The following ENPEP variants were observed in gnomAD, a reference collection of about 807,000 sequenced individuals.
The protein encoded by ENPEP is AP-A.
Under a neutral mutation model 114.5 loss-of-function variants are expected in ENPEP, and 103 were observed. The observed-to-expected ratio is 0.90, with a 90% CI of 0.77 to 1.06. The LOEUF is 1.06. ENPEP is among the 50% of genes least tolerant of loss of function. ENPEP has a pLI of 0.00. For missense variants in ENPEP, 1,196 were observed against 1,161.3 expected, an observed-to-expected ratio of 1.03 and a Z score of -0.43; for synonymous variants, 420 against 422.0, an observed-to-expected ratio of 1.00 and a Z score of 0.06.
In ENPEP at chr4:110,491,076, A is replaced by C; in HGVS notation, c.830A>C (p.Glu277Ala). The C allele has an allele frequency of 1.9e-6, 3 of 1,612,404 alleles. No homozygotes were observed. The highest frequency in any genetic ancestry group is 2.5e-6 in the Non-Finnish European group (3 of 1,179,824). Reference sequence around the variant, plus strand: ...GATAAATGGACTCGAACAACTTTTGAGAAGTCTGTCCCCATGAGCACGTAC... The same window carrying C: ...GATAAATGGACTCGAACAACTTTTGCGAAGTCTGTCCCCATGAGCACGTAC... ...VDDKWTRTTFEKSVPMSTYLV... is the reference protein window; with the variant it reads ...VDDKWTRTTFAKSVPMSTYLV... The change falls in exon 3 of 20, where the codon GAG (glutamate) becomes GCG (alanine). Residue 277 changes from glutamate to alanine, a missense_variant. Glu to Ala is a moderately radical substitution (Grantham distance 107, BLOSUM62 -1). Transcript: ENST00000265162.
At chr4:110,492,864 T>G (rs899435168) in intron 3 of ENPEP, among the ~76,000 whole-genome samples, 2 of 152,236 alleles carry the variant, frequency 1.3e-5, no homozygotes, top group African/African-American at 4.8e-5. Context: ...TCATTGACAA[T>G]TCAATTGCAT....
rs535898764 is a variant in ENPEP, at chr4:110,484,897, CGAA to C, written c.645-3641_645-3639del. ...CCTCCTTCCTCTCACCTCCCACACACGAAGATGTGTGTGGTGCGCGCATGCACG... is the reference window on the plus strand; with the variant it reads ...CCTCCTTCCTCTCACCTCCCACACACGATGTGTGTGGTGCGCGCATGCACG... On this transcript the variant is annotated intron_variant, in intron 1 of 19. Coordinates refer to ENST00000265162, the MANE Select transcript of ENPEP (RefSeq NM_001977.4). Among the ~76,000 whole-genome samples the C allele has an allele frequency of 2.0e-5, 3 of 149,326 alleles. No homozygotes were observed. The Admixed American group carries it at 2.1e-4, about 10-fold the overall frequency.
At chr4:110,522,376 T>G (rs572653481) in intron 10 of ENPEP, among the ~76,000 whole-genome samples, 1 of 151,998 alleles carries the variant, frequency 6.6e-6, no homozygotes, top group Admixed American at 6.6e-5. Flanking sequence ...AGAGATGGGG[T>G]TTCACCATGT....
chr4:110,556,138 T>G (rs891658944), intron 18 of ENPEP, among the ~76,000 whole-genome samples: 1 of 152,096 alleles, frequency 6.6e-6, no homozygotes, highest in African/African-American at 2.4e-5. Flanking sequence ...TTTGAATCTA[T>G]AGAATCTCAT....
intron 13 of ENPEP, among the ~76,000 whole-genome samples, chr4:110,546,446 C>A (rs1464751349): frequency 1.3e-5 from 2 of 151,898 alleles, no homozygotes; most frequent in Non-Finnish European, 1.5e-5. Context: ...TAAGGGAAAG[C>A]AGAGTATGCT....
At chr4:110,557,739 T>C (rs114412042) in intron 18 of ENPEP, among the ~76,000 whole-genome samples, 76 of 152,326 alleles carry the variant, frequency 5.0e-4, no homozygotes, top group Non-Finnish European at 1.0e-3. Context: ...ACATTTTAGA[T>C]AATGACTGAT....
intron 10 of ENPEP, among the ~76,000 whole-genome samples, chr4:110,530,893 A>C (rs1726381899): frequency 6.6e-6 from 1 of 152,228 alleles, no homozygotes; most frequent in African/African-American, 2.4e-5. Flanking sequence ...GATGTATTAT[A>C]TTTGTGTAAT....
chr4:110,524,593 A>C (rs1361799525), intron 10 of ENPEP, among the ~76,000 whole-genome samples: 1 of 152,186 alleles, frequency 6.6e-6, no homozygotes, highest in Non-Finnish European at 1.5e-5. Context: ...TTAAAACTCA[A>C]ATATAGTGTA....
intron 10 of ENPEP, among the ~76,000 whole-genome samples, chr4:110,530,842 C>T (rs1471791577): frequency 2.6e-5 from 4 of 152,136 alleles, no homozygotes; most frequent in Non-Finnish European, 5.9e-5. Flanking sequence ...GCATATTAGA[C>T]TGTGTGCAAG....
chr4:110,544,300 A>C (rs999863757), intron 13 of ENPEP, among the ~76,000 whole-genome samples: 1 of 152,092 alleles, frequency 6.6e-6, no homozygotes, highest in African/African-American at 2.4e-5. Context: ...TTAAAAGATT[A>C]TCTGGCATGT....
rs566103684 is a variant in ENPEP, at chr4:110,502,908, T to C, written c.919-3729T>C. 3.9e-5 allele frequency among the ~76,000 whole-genome samples: 6 copies of C among 152,342 alleles called. No individual in the cohort carries two copies. In the East Asian group the frequency reaches 7.7e-4, roughly 20 times the overall value. On this transcript the variant is annotated intron_variant, in intron 3 of 19. Transcript: ENST00000265162. ...ATTCTTCTTATTCGATGTTTTCTTTTTTTTTAATTATTATACTTTAAGTTC... is the reference window on the plus strand; with the variant it reads ...ATTCTTCTTATTCGATGTTTTCTTTCTTTTTAATTATTATACTTTAAGTTC...
chr4:110,517,862 C>G (rs11735606), intron 8 of ENPEP, among the ~76,000 whole-genome samples: 44,871 of 152,066 alleles, frequency 0.3, 6,922 homozygotes, highest in Non-Finnish European at 0.33. Flanking sequence ...GGACCACATC[C>G]AATAAACCCT....
At chr4:110,554,305 C>T (rs1054980830) in intron 18 of ENPEP, among the ~76,000 whole-genome samples, 1 of 151,868 alleles carries the variant, frequency 6.6e-6, no homozygotes, top group African/African-American at 2.4e-5. Context: ...TGAGAAATAC[C>T]AACTCTAATT....
rs1327366444 is a variant in ENPEP at position 110,492,347 on chromosome 4, G to A, written c.918+1183G>A. 3.9e-5 allele frequency among the ~76,000 whole-genome samples: 6 copies of A among 152,268 alleles called. No individual in the cohort carries two copies. The East Asian group carries it at 1.2e-3, about 29-fold the overall frequency. ...GATACTGTATCTTGCTTAGCCTTCT[G>A]ATGTGTGATATTCTGAAAATATCTT... On this transcript the variant is annotated intron_variant, in intron 3 of 19. Transcript: ENST00000265162.
At chr4:110,498,424 C>A (rs1458422873) in intron 3 of ENPEP, among the ~76,000 whole-genome samples, 4 of 151,868 alleles carry the variant, frequency 2.6e-5, no homozygotes, top group African/African-American at 9.7e-5. Context: ...AGGCTGCTGT[C>A]AATAAGTAGA....
chr4:110,494,977 C>T (rs1171267686), intron 3 of ENPEP, among the ~76,000 whole-genome samples: 1 of 152,062 alleles, frequency 6.6e-6, no homozygotes, highest in Non-Finnish European at 1.5e-5. Context: ...AGTGGACACA[C>T]CCTGAACTGT....
At position 110,476,820 on chromosome 4, in the gene ENPEP, C is replaced by T; in HGVS notation, c.406C>T (p.Leu136Phe). 1 of 1,614,168 alleles carries T rather than the reference C, an allele frequency of 6.2e-7. No individual in the cohort carries two copies. ...TCCCACCCGGTACCTGTGGCTGCACCTCCGGGAGACCAGGATCACCCGGCT... is the reference window on the plus strand; with the variant it reads ...TCCCACCCGGTACCTGTGGCTGCACTTCCGGGAGACCAGGATCACCCGGCT... ...SAPTRYLWLHLRETRITRLPE... is the reference protein window; with the variant it reads ...SAPTRYLWLHFRETRITRLPE... Residue 136 changes from leucine to phenylalanine, a missense_variant, in exon 1 of 20, where the codon CTC (leucine) becomes TTC (phenylalanine). Transcript: ENST00000265162.
intron 13 of ENPEP, among the ~76,000 whole-genome samples, chr4:110,547,682 G>A (rs913895028): frequency 6.6e-6 from 1 of 152,016 alleles, no homozygotes; most frequent in Admixed American, 6.6e-5. Flanking sequence ...ATAAGAAGAT[G>A]TTATAAAGGA....
intron 3 of ENPEP, among the ~76,000 whole-genome samples, chr4:110,494,898 A>G (rs1305641780): frequency 6.6e-6 from 1 of 152,214 alleles, no homozygotes; most frequent in Non-Finnish European, 1.5e-5. Flanking sequence ...GGTCTTCTTC[A>G]GGTTTAGTTG....
Sources: gnomAD v4.1 joint callset for allele counts (sites outside exome capture counted in the v4.1 genomes callset) on GRCh38, gnomAD v4.1.1 for gene constraint, MANE v1.5 for transcripts, NCBI Gene and HGNC (gene_info 2026-07-23, HGNC 2026-07-21) for gene names.